Variants in GALNT13 observed in about 807,000 individuals in gnomAD.
GALNT13 encodes polypeptide N-acetylgalactosaminyltransferase 13.
A neutral mutation model predicts 64.2 loss-of-function variants in GALNT13; 28 were observed. The observed-to-expected ratio is 0.44, with a 90% CI of 0.32 to 0.60. The LOEUF (loss-of-function observed/expected upper bound fraction) is 0.60. GALNT13 is among the 20% of genes least tolerant of loss of function. The pLI, the probability that GALNT13 is intolerant of heterozygous loss-of-function variation, is 0.05. For synonymous variants in GALNT13, 214 were observed against 224.6 expected (o/e 0.95, Z 0.42); for missense variants, 577 against 669.8 (o/e 0.86, Z 1.53).
intron 10 of GALNT13, among the ~76,000 whole-genome samples, chr2:154,404,435 T>A (rs574376063): frequency 6.6e-6 from 1 of 152,252 alleles, no homozygotes; most frequent in Admixed American, 6.5e-5. Context: ...TCTCACAGAT[T>A]CTCAAATATG....
At chr2:154,097,691 G>GA (rs35972896) in intron 3 of GALNT13, among the ~76,000 whole-genome samples, 81,850 of 150,544 alleles carry the variant, frequency 0.54, 23,222 homozygotes, top group East Asian at 0.84. Context: ...CCTTGGCTCA[G>GA]AAAAAAAAAT....
chr2:153,165,999 G>C, the GALNT13 span, among the ~76,000 whole-genome samples: 1 of 152,266 alleles, frequency 6.6e-6, no homozygotes, highest in Admixed American at 6.5e-5. Context: ...TACCGACACA[G>C]GAAGCTATAA....
the GALNT13 span, among the ~76,000 whole-genome samples, chr2:153,665,793 G>T: frequency 2.4e-4 from 37 of 152,142 alleles, no homozygotes; most frequent in African/African-American, 5.5e-4. Context: ...AATCCTAGCC[G>T]CAGGAGATCC....
chr2:154,372,560 A>G (rs1310968233), intron 9 of GALNT13, among the ~76,000 whole-genome samples: 1 of 152,148 alleles, frequency 6.6e-6, no homozygotes, highest in South Asian at 2.1e-4. Context: ...CTAAATCATG[A>G]TACTTCTATT....
At chr2:153,327,913 T>A in the GALNT13 span, among the ~76,000 whole-genome samples, 1 of 152,178 alleles carries the variant, frequency 6.6e-6, no homozygotes. Context: ...TGCACTGTTT[T>A]TTTCTCATCT....
chr2:153,863,889 T>C, the GALNT13 span, among the ~76,000 whole-genome samples: 17,869 of 152,214 alleles, frequency 0.12, 1,388 homozygotes, highest in Non-Finnish European at 0.17. Context: ...TGAGAGATTG[T>C]GTATGTGTAA....
chr2:153,594,273 T>C, the GALNT13 span, among the ~76,000 whole-genome samples: 1 of 152,138 alleles, frequency 6.6e-6, no homozygotes, highest in East Asian at 1.9e-4. Flanking sequence ...ACTGTTCTAA[T>C]AAAGGTTACC....
the GALNT13 span, among the ~76,000 whole-genome samples, chr2:153,629,650 A>T: frequency 7.9e-5 from 12 of 152,262 alleles, no homozygotes; most frequent in African/African-American, 2.6e-4. Context: ...GACAAATGGG[A>T]TCTAATTAAA....
intron 2 of GALNT13, among the ~76,000 whole-genome samples, chr2:153,918,418 A>G (rs916089108): frequency 6.6e-6 from 1 of 152,134 alleles, no homozygotes; most frequent in African/African-American, 2.4e-5. Context: ...CTAGAGCGGT[A>G]TCTTCCATTT....
the GALNT13 span, among the ~76,000 whole-genome samples, chr2:153,661,419 G>C: frequency 6.6e-6 from 1 of 152,100 alleles, no homozygotes; most frequent in Non-Finnish European, 1.5e-5. Context: ...TAAATGTCTA[G>C]ATTCACACCT....
At chr2:153,345,635 T>TCTC in the GALNT13 span, among the ~76,000 whole-genome samples, 2 of 68,806 alleles carry the variant, frequency 2.9e-5, 1 homozygote, top group South Asian at 1.1e-3. Flanking sequence ...TTTCCTTTCT[T>TCTC]TTTCTTTCTT....
chr2:153,775,662 G>A, the GALNT13 span, among the ~76,000 whole-genome samples: 6 of 152,028 alleles, frequency 3.9e-5, no homozygotes, highest in Non-Finnish European at 8.8e-5. Context: ...CTCAGCTTAT[G>A]TAATTTTAGT....
the GALNT13 span, among the ~76,000 whole-genome samples, chr2:153,319,401 G>A: frequency 6.6e-6 from 1 of 152,114 alleles, no homozygotes; most frequent in African/African-American, 2.4e-5. Context: ...AGCCTTCTGA[G>A]TAGCTGGGAC....
At chr2:153,082,612 TATATATACACACACAC>T in the GALNT13 span, among the ~76,000 whole-genome samples, 307 of 38,670 alleles carry the variant, frequency 7.9e-3, 1 homozygote, top group Middle Eastern at 0.012. Flanking sequence ...TATATATATA[TATATATACACACACAC>T]ACACACACAC....
intron 3 of GALNT13, among the ~76,000 whole-genome samples, chr2:154,093,841 T>C (rs1701944564): frequency 6.6e-6 from 1 of 151,624 alleles, no homozygotes; most frequent in South Asian, 2.1e-4. Context: ...AGCCAGGTAA[T>C]AATCTTGCTC....
the GALNT13 span, among the ~76,000 whole-genome samples, chr2:153,808,536 C>A: frequency 6.6e-6 from 1 of 152,112 alleles, no homozygotes; most frequent in Admixed American, 6.6e-5. Context: ...AGCTCATTCC[C>A]TTTCTAACTT....
At chr2:153,870,378 T>C (rs1469515008), upstream of GALNT13, among the ~76,000 whole-genome samples, 1 of 152,090 alleles carries the variant, frequency 6.6e-6, no homozygotes, top group African/African-American at 2.4e-5. Flanking sequence ...TTGAAAAACA[T>C]AGGACTAGTA....
intron 10 of GALNT13, among the ~76,000 whole-genome samples, chr2:154,406,848 A>G (rs1699568208): frequency 1.3e-5 from 2 of 152,206 alleles, no homozygotes; most frequent in South Asian, 2.1e-4. Flanking sequence ...TATGAGATAT[A>G]CATTTTCCTG....
At chr2:153,074,540 C>T in the GALNT13 span, among the ~76,000 whole-genome samples, 1 of 152,138 alleles carries the variant, frequency 6.6e-6, no homozygotes, top group African/African-American at 2.4e-5. Context: ...CAACTCTGTA[C>T]AGCATGGTAC....
Sources: allele counts gnomAD v4.1 joint callset (sites outside exome capture counted in the v4.1 genomes callset), GRCh38; gene constraint gnomAD v4.1.1; transcripts MANE v1.5; gene names NCBI Gene and HGNC (gene_info 2026-07-23, HGNC 2026-07-21).